PPP2R5E: variants seen among roughly 807,000 people sequenced by gnomAD.
PPP2R5E encodes the protein protein phosphatase 2 regulatory subunit B'epsilon.
PPP2R5E carries 4 observed loss-of-function variants against 65.3 expected under a neutral mutation model. The observed-to-expected ratio is 0.06, with a 90% CI of 0.03 to 0.14. PPP2R5E has a LOEUF of 0.14. PPP2R5E is among the 10% of genes least tolerant of loss of function. The probability of loss-of-function intolerance (pLI) is 1.00; values close to 1 mark genes in which losing one functional copy is unlikely to be tolerated. For synonymous variants in PPP2R5E, 183 were observed against 187.4 expected, an observed-to-expected ratio of 0.98 and a Z score of 0.19; for missense variants, 274 against 556.1, an observed-to-expected ratio of 0.49 and a Z score of 5.10.
chr14:63,443,099 A>G (rs780626584), intron 3 of PPP2R5E, among the ~76,000 whole-genome samples: 3 of 152,162 alleles, frequency 2.0e-5, no homozygotes, highest in Non-Finnish European at 4.4e-5. Flanking sequence ...TTCCAGTTAA[A>G]TCAAAGAATG....
intron 5 of PPP2R5E, among the ~76,000 whole-genome samples, chr14:63,406,246 C>T (rs992727042): frequency 2.0e-5 from 3 of 151,914 alleles, no homozygotes; most frequent in Non-Finnish European, 4.4e-5. Flanking sequence ...CTCATCTCTA[C>T]TAAAAATACA....
intron 3 of PPP2R5E, among the ~76,000 whole-genome samples, chr14:63,433,360 G>T (rs2139931438): frequency 6.6e-6 from 1 of 152,140 alleles, no homozygotes; most frequent in East Asian, 1.9e-4. Flanking sequence ...GGGGCTCTGT[G>T]GGTACAACAT....
At chr14:63,398,444 T>C (rs1370519000) in intron 5 of PPP2R5E, among the ~76,000 whole-genome samples, 1 of 152,206 alleles carries the variant, frequency 6.6e-6, no homozygotes, top group Non-Finnish European at 1.5e-5. Context: ...ACATTTATGG[T>C]CAACTGATTT....
At chr14:63,479,142 G>A (rs954448028) in intron 2 of PPP2R5E, 5 of 151,864 alleles carry the variant, frequency 3.3e-5, no homozygotes, top group African/African-American at 1.2e-4. Context: ...AAGAAAGAAA[G>A]AAAAAAATCA....
At chr14:63,382,002 G>C in intron 13 of PPP2R5E, 54 bp downstream of exon 13, 3 of 1,439,552 alleles carry the variant, frequency 2.1e-6, no homozygotes, top group Non-Finnish European at 2.9e-6. Flanking sequence ...CAAAGAGCAA[G>C]GAAAAAACTC....
intron 3 of PPP2R5E, among the ~76,000 whole-genome samples, chr14:63,427,574 G>A (rs1272600430): frequency 6.6e-6 from 1 of 152,054 alleles, no homozygotes; most frequent in African/African-American, 2.4e-5. Context: ...GAGGCCAGGA[G>A]TTTAAGACCA....
intron 1 of PPP2R5E, among the ~76,000 whole-genome samples, chr14:63,542,227 G>GT (rs1202998880): frequency 6.6e-6 from 1 of 152,156 alleles, no homozygotes; most frequent in Non-Finnish European, 1.5e-5. Context: ...AAAACTGAAC[G>GT]TAAGGTAACA....
intron 3 of PPP2R5E, among the ~76,000 whole-genome samples, chr14:63,435,851 C>T (rs537162093): frequency 6.6e-6 from 1 of 152,290 alleles, no homozygotes; most frequent in East Asian, 1.9e-4. Context: ...ACAAAACCAT[C>T]ACAGGGAAAT....
chr14:63,404,323 G>A (rs763326434), intron 5 of PPP2R5E, among the ~76,000 whole-genome samples: 1 of 152,122 alleles, frequency 6.6e-6, no homozygotes, highest in Non-Finnish European at 1.5e-5. Flanking sequence ...ATAGATAACC[G>A]ATAAAATTGG....
At chr14:63,491,650 C>T (rs1482201726) in intron 2 of PPP2R5E, among the ~76,000 whole-genome samples, 1 of 152,074 alleles carries the variant, frequency 6.6e-6, no homozygotes, top group African/African-American at 2.4e-5. Flanking sequence ...GAGATCGACA[C>T]CAGCCTGGCC....
intron 2 of PPP2R5E, among the ~76,000 whole-genome samples, chr14:63,520,727 C>A (rs1892865403): frequency 6.6e-6 from 1 of 151,930 alleles, no homozygotes; most frequent in Non-Finnish European, 1.5e-5. Flanking sequence ...TAGAAAAACA[C>A]ATGCGTGGCC....
chr14:63,419,486 G>A (rs1886885811), intron 4 of PPP2R5E, among the ~76,000 whole-genome samples: 1 of 152,126 alleles, frequency 6.6e-6, no homozygotes, highest in Non-Finnish European at 1.5e-5. Flanking sequence ...AAAAGAAAAA[G>A]AGACTTCTTA....
chr14:63,388,359 G>A (rs971932324), intron 11 of PPP2R5E, among the ~76,000 whole-genome samples: 2 of 151,904 alleles, frequency 1.3e-5, no homozygotes, highest in Non-Finnish European at 2.9e-5. Flanking sequence ...CAGGCTGGTC[G>A]CAAACTCCTG....
intron 2 of PPP2R5E, among the ~76,000 whole-genome samples, chr14:63,523,274 G>A (rs1165572920): frequency 9.2e-5 from 14 of 152,180 alleles, no homozygotes; most frequent in Non-Finnish European, 1.8e-4. Flanking sequence ...AAAGTGGTGA[G>A]AGGTGGGGAA....
At chr14:63,382,403 C>CT (rs576740305) in intron 12 of PPP2R5E, among the ~76,000 whole-genome samples, 24,283 of 138,484 alleles carry the variant, frequency 0.18, 3,011 homozygotes, top group East Asian at 0.49. Flanking sequence ...CTTCTAATTT[C>CT]TTTTTTTTTT....
chr14:63,462,231 C>G (rs1231210576), intron 2 of PPP2R5E, among the ~76,000 whole-genome samples: 3 of 151,986 alleles, frequency 2.0e-5, no homozygotes, highest in Non-Finnish European at 4.4e-5. Context: ...CCACCTTGCC[C>G]GGCTAATTTT....
chr14:63,426,872 G>A (rs1887369883), intron 3 of PPP2R5E, among the ~76,000 whole-genome samples: 1 of 152,138 alleles, frequency 6.6e-6, no homozygotes, highest in Admixed American at 6.5e-5. Context: ...TGGGGCACGG[G>A]GGAGGAAGCG....
Position 63,476,175 on chromosome 14 carries a change from C to T in PPP2R5E, c.158-22290G>A, listed in dbSNP as rs143952270. Among the ~76,000 whole-genome samples, 1,456 of 152,212 alleles carry T rather than the reference C, an allele frequency of 9.6e-3. 29 individuals are homozygous for T. The highest frequency in any genetic ancestry group is 0.034 in the African/African-American group (1,401 of 41,540). ...CTCACATTTGAAAGTAGGAAGAATG[C>T]TAACTTAAACCTGTATAATGCTCGA... On this transcript the variant is annotated intron_variant, in intron 2 of 13. Coordinates refer to ENST00000337537, the MANE Select transcript of PPP2R5E (RefSeq NM_006246.5).
intron 2 of PPP2R5E, among the ~76,000 whole-genome samples, chr14:63,517,652 A>G (rs1243205056): frequency 6.6e-6 from 1 of 152,230 alleles, no homozygotes; most frequent in Non-Finnish European, 1.5e-5. Flanking sequence ...CAGTGCAGAT[A>G]ATTCTCAATA....
Sources: allele counts gnomAD v4.1 joint callset (sites outside exome capture counted in the v4.1 genomes callset), GRCh38; gene constraint gnomAD v4.1.1; transcripts MANE v1.5; gene names NCBI Gene and HGNC (gene_info 2026-07-23, HGNC 2026-07-21).